The following CEP135 variants were observed in gnomAD, a reference collection of about 807,000 sequenced individuals.
CEP135 encodes the protein centrosomal protein 135.
Under a neutral mutation model 157.3 loss-of-function variants are expected in CEP135, and 142 were observed. That is an observed-to-expected ratio of 0.90 (90% CI 0.79 to 1.04). CEP135 has a LOEUF of 1.04. CEP135 is among the 50% of genes least tolerant of loss of function. The pLI is 0.00. For synonymous variants in CEP135, 396 were observed against 439.8 expected (o/e 0.90, Z 1.25); for missense variants, 1,317 against 1,309.2 (o/e 1.01, Z -0.09).
rs772683692 is a variant in CEP135 at position 55,981,419 on chromosome 4, G to T, written c.1779+40G>T. On this transcript the variant is annotated intron_variant, in intron 13 of 25. Coordinates refer to ENST00000257287, the MANE Select transcript of CEP135 (RefSeq NM_025009.5). ...ATGTTTTTGAAAGGTAATTTGTTGA[G>T]AAAAAGAGGTCTTTGTATATACATT... 3.4e-5 allele frequency: 52 copies of T among 1,530,898 alleles called. 1 individual carries two copies. The South Asian group carries it at 6.5e-4, about 19-fold the overall frequency. The allele number at this position is 1,530,898 out of a possible 1,614,324, so 94.8% of individuals were successfully genotyped here.
At chr4:55,982,252 A>G (rs940713836) in intron 13 of CEP135, among the ~76,000 whole-genome samples, 16 of 152,144 alleles carry the variant, frequency 1.1e-4, no homozygotes, top group Non-Finnish European at 2.9e-5. Context: ...AATGTTTTCG[A>G]GATTCATCCA....
Position 56,017,856 on chromosome 4 carries a change from G to T in CEP135, c.3011G>T (p.Arg1004Met). 1.2e-6 allele frequency: 2 copies of T among 1,610,520 alleles called. No individual in the cohort carries two copies. The highest frequency in any genetic ancestry group is 2.2e-5 in the South Asian group (2 of 90,590). ...AATTCGAAAAACCTTGAGTTTGAGAGGGTAAGAAAGATAAATTGTCTTGGC... is the reference window on the plus strand; with the variant it reads ...AATTCGAAAAACCTTGAGTTTGAGATGGTAAGAAAGATAAATTGTCTTGGC... Reference protein sequence around the residue: ...QLNSKNLEFERVVVELENVKS... With the variant: ...QLNSKNLEFEMVVVELENVKS... Residue 1004 changes from arginine (R) to methionine (M), a missense_variant and splice_region_variant, in exon 22 of 26, where the codon AGG (arginine) becomes ATG (methionine). Physicochemically the swap from Arg to Met is moderately conservative, Grantham distance 91. Coordinates refer to ENST00000257287, the MANE Select transcript of CEP135 (RefSeq NM_025009.5).
At chr4:56,029,957 A>G (rs1333658210) in intron 25 of CEP135, among the ~76,000 whole-genome samples, 2 of 152,212 alleles carry the variant, frequency 1.3e-5, no homozygotes, top group Non-Finnish European at 2.9e-5. Flanking sequence ...TAGCTACAAT[A>G]AATTTATTGT....
At position 55,957,383 on chromosome 4, in the gene CEP135, TCTTGG is replaced by T; in HGVS notation, c.614+24_614+28del. 6.2e-7 allele frequency: 1 copy of T among 1,603,354 alleles called. No homozygotes were observed. Among genetic ancestry groups the T allele is most frequent in the Non-Finnish European group, 8.5e-7 (1 of 1,177,072 alleles). On this transcript the variant is annotated intron_variant, in intron 5 of 25. Coordinates refer to ENST00000257287, the MANE Select transcript of CEP135 (RefSeq NM_025009.5). The stretch of plus-strand genomic sequence containing the variant: ...ATAACAGGTGCATTAAATAATTCTT[TCTTGG>T]CTTGAGTTAATTGAGCACTCAATTA...
intron 21 of CEP135, among the ~76,000 whole-genome samples, chr4:56,013,891 A>T (rs1730679657): frequency 1.3e-5 from 2 of 152,192 alleles, no homozygotes; most frequent in South Asian, 4.1e-4. Flanking sequence ...TTAGGGTTAG[A>T]CCCTAAGACC....
At chr4:56,009,075 A>T (rs552211166) in intron 18 of CEP135, among the ~76,000 whole-genome samples, 27 of 152,134 alleles carry the variant, frequency 1.8e-4, no homozygotes, top group Non-Finnish European at 2.8e-4. Flanking sequence ...ATTTAAAAAA[A>T]AATTTTTGTA....
chr4:55,967,598 G>C (rs561486177), intron 8 of CEP135, among the ~76,000 whole-genome samples: 24 of 152,276 alleles, frequency 1.6e-4, no homozygotes, highest in African/African-American at 5.5e-4. Context: ...GCAGATTAAG[G>C]ATTCAGATGC....
chr4:55,985,766 ACT>A (rs1560410229), intron 14 of CEP135, among the ~76,000 whole-genome samples: 1 of 152,004 alleles, frequency 6.6e-6, no homozygotes, highest in Non-Finnish European at 1.5e-5. Flanking sequence ...GGCCTAATAC[ACT>A]GTTTTATACA....
intron 14 of CEP135, among the ~76,000 whole-genome samples, chr4:55,986,637 T>C (rs1229941178): frequency 6.6e-6 from 1 of 152,222 alleles, no homozygotes; most frequent in Non-Finnish European, 1.5e-5. Flanking sequence ...TTTTTAACAA[T>C]TTGGTATGTT....
intron 25 of CEP135, among the ~76,000 whole-genome samples, chr4:56,025,102 G>A (rs1011966854): frequency 1.3e-5 from 2 of 152,050 alleles, no homozygotes; most frequent in African/African-American, 4.8e-5. Context: ...AGGCTGCAGT[G>A]AACTGTGATT....
At chr4:55,962,294 G>T (rs1475766583) in intron 6 of CEP135, among the ~76,000 whole-genome samples, 1 of 152,090 alleles carries the variant, frequency 6.6e-6, no homozygotes, top group Non-Finnish European at 1.5e-5. Context: ...TAGAGACAGG[G>T]TTTAACTGTG....
At position 56,032,637 on chromosome 4, in the gene CEP135, A is replaced by C. The variant is rs1213689108; in HGVS notation, c.*1289A>C. On this transcript the variant is annotated 3_prime_UTR_variant, in exon 26 of 26. Coordinates refer to ENST00000257287, the MANE Select transcript of CEP135 (RefSeq NM_025009.5). Reference sequence around the variant, plus strand: ...AACAGCTTTTTACAATTAATTTTCAAAGTTGTAATTTTAAAGAATTTGGGT... The same window carrying C: ...AACAGCTTTTTACAATTAATTTTCACAGTTGTAATTTTAAAGAATTTGGGT... The C allele has an allele frequency of 6.6e-6, 1 of 152,128 alleles. No individual in the cohort carries two copies. Among genetic ancestry groups the C allele is most frequent in the Non-Finnish European group, 1.5e-5 (1 of 68,016 alleles). 9.4% of individuals were successfully genotyped at this position (152,128 alleles called of 1,614,324 possible).
At chr4:56,010,983 C>G (rs1730562695) in intron 19 of CEP135, among the ~76,000 whole-genome samples, 1 of 152,022 alleles carries the variant, frequency 6.6e-6, no homozygotes, top group South Asian at 2.1e-4. Context: ...CCTATAATCC[C>G]AGCACTTTCG....
intron 21 of CEP135, among the ~76,000 whole-genome samples, chr4:56,014,399 CAGAAG>C (rs1730699915): frequency 6.6e-6 from 1 of 152,120 alleles, no homozygotes; most frequent in Admixed American, 6.5e-5. Context: ...GATGAAGACT[CAGAAG>C]AGATGAGAGC....
intron 5 of CEP135, among the ~76,000 whole-genome samples, chr4:55,958,296 A>G (rs949077697): frequency 1.3e-5 from 2 of 152,144 alleles, no homozygotes; most frequent in African/African-American, 4.8e-5. Flanking sequence ...TTAGCCGAGC[A>G]TGGTGGCATG....
At chr4:55,966,001 G>A in intron 8 of CEP135, 142 bp downstream of exon 8, 1 of 670,734 alleles carries the variant, frequency 1.5e-6, no homozygotes, top group Non-Finnish European at 2.5e-6. Context: ...GGTAATTCAG[G>A]GTTTTCTGAA....
rs113011675 is a variant in CEP135, at chr4:55,995,362, A to T, written c.2009+3277A>T. Among the ~76,000 whole-genome samples, 10 of 152,312 alleles carry T rather than the reference A, an allele frequency of 6.6e-5. 2 individuals are homozygous for T. The highest frequency in any genetic ancestry group is 2.4e-4 in the African/African-American group (10 of 41,568). On this transcript the variant is annotated intron_variant, in intron 15 of 25. Transcript: ENST00000257287. ...TTTAGGCTTTCAGCAGCCTGAAGCCATGGTTTTTAGTCTGTCTCTAGTAAT... is the reference window on the plus strand; with the variant it reads ...TTTAGGCTTTCAGCAGCCTGAAGCCTTGGTTTTTAGTCTGTCTCTAGTAAT...
At chr4:56,030,913 TGA>T (rs1402566325) in intron 25 of CEP135, among the ~76,000 whole-genome samples, 1 of 152,112 alleles carries the variant, frequency 6.6e-6, no homozygotes, top group East Asian at 1.9e-4. Context: ...GAGGCCAAAG[TGA>T]GAGGATCACT....
chr4:56,028,502 T>C (rs878906145), intron 25 of CEP135, among the ~76,000 whole-genome samples: 2 of 152,190 alleles, frequency 1.3e-5, no homozygotes, highest in African/African-American at 2.4e-5. Flanking sequence ...TGAGGTATAT[T>C]AATGAGATTG....
Sources: allele counts gnomAD v4.1 joint callset (sites outside exome capture counted in the v4.1 genomes callset), GRCh38; gene constraint gnomAD v4.1.1; transcripts MANE v1.5; gene names NCBI Gene and HGNC (gene_info 2026-07-23, HGNC 2026-07-21).